The following ADARB2 variants were observed in gnomAD, a reference collection of about 807,000 sequenced individuals.
ADARB2 encodes the protein inactive double-stranded RNA-specific editase B2.
A neutral mutation model predicts 62.2 loss-of-function variants in ADARB2; 25 were observed. The ratio of observed to expected loss-of-function variants is 0.40; its 90% CI spans 0.29 to 0.56. The LOEUF is 0.56. Ranked by LOEUF, ADARB2 falls within the 20% of genes least tolerant of loss-of-function variation. The pLI, the probability that ADARB2 is intolerant of heterozygous loss-of-function variation, is 0.43. For synonymous variants in ADARB2, 572 were observed against 500.8 expected (o/e 1.14, Z -1.90); for missense variants, 1,071 against 1,077.4 (o/e 0.99, Z 0.08).
chr10:1,646,276 G>A (rs1262000374), intron 1 of ADARB2, among the ~76,000 whole-genome samples: 2 of 152,196 alleles, frequency 1.3e-5, no homozygotes, highest in Non-Finnish European at 1.5e-5. Context: ...TAGCCATGCT[G>A]GGCTTTGTCA....
At chr10:1,394,072 G>A (rs571371509) in intron 1 of ADARB2, among the ~76,000 whole-genome samples, 57 of 152,274 alleles carry the variant, frequency 3.7e-4, no homozygotes, top group Admixed American at 2.4e-3. Flanking sequence ...CCACTCACTC[G>A]TCCCAGGTTT....
At chr10:1,277,932 G>C (rs780645353) in intron 3 of ADARB2, among the ~76,000 whole-genome samples, 1 of 151,410 alleles carries the variant, frequency 6.6e-6, no homozygotes, top group Non-Finnish European at 1.5e-5. Context: ...CTTTCTTTCT[G>C]CTTCCTTCCT....
chr10:1,280,396 G>A (rs1418598468), intron 3 of ADARB2, among the ~76,000 whole-genome samples: 1 of 152,196 alleles, frequency 6.6e-6, no homozygotes, highest in Admixed American at 6.5e-5. Context: ...GCTTTATCTA[G>A]AAACATGTGG....
chr10:1,667,921 G>A lies in ADARB2; in HGVS notation c.100+69130C>T, dbSNP rs150370932. Among the ~76,000 whole-genome samples, 546 of 152,276 alleles carry A rather than the reference G, an allele frequency of 3.6e-3. 7 individuals are homozygous for A. The highest frequency in any genetic ancestry group is 0.012 in the African/African-American group (509 of 41,548). ...GAAACACAAGAAAATGGATCAGGTG[G>A]GGCATCACCTGTGAAGCCTTGTTGG... On this transcript the variant is annotated intron_variant, in intron 1 of 9. Coordinates refer to ENST00000381312, the MANE Select transcript of ADARB2 (RefSeq NM_018702.4).
At chr10:1,455,107 G>C (rs1831082051) in intron 1 of ADARB2, among the ~76,000 whole-genome samples, 1 of 152,134 alleles carries the variant, frequency 6.6e-6, no homozygotes, top group Non-Finnish European at 1.5e-5. Context: ...GATTTTCCCA[G>C]GTACAGTTTA....
At chr10:1,693,661 A>G (rs898506098) in intron 1 of ADARB2, among the ~76,000 whole-genome samples, 1 of 152,210 alleles carries the variant, frequency 6.6e-6, no homozygotes, top group Non-Finnish European at 1.5e-5. Context: ...GACTCTTCCA[A>G]CCATGGCTAC....
At chr10:1,665,813 C>T (rs1230424186) in intron 1 of ADARB2, among the ~76,000 whole-genome samples, 1 of 152,212 alleles carries the variant, frequency 6.6e-6, no homozygotes, top group Non-Finnish European at 1.5e-5. Flanking sequence ...AGGCCTCAGG[C>T]CAGTGGCATG....
chr10:1,199,210 A>ACCCCC (rs201988812), intron 8 of ADARB2, among the ~76,000 whole-genome samples: 2 of 134,732 alleles, frequency 1.5e-5, no homozygotes, highest in Admixed American at 7.2e-5. Context: ...TGATTCGGAA[A>ACCCCC]CCCACCCCCC....
chr10:1,369,232 A>T (rs1184573373), intron 2 of ADARB2, among the ~76,000 whole-genome samples: 1 of 152,172 alleles, frequency 6.6e-6, no homozygotes, highest in Admixed American at 6.5e-5. Flanking sequence ...GTATATAAAA[A>T]CCTAGAGATA....
intron 1 of ADARB2, among the ~76,000 whole-genome samples, chr10:1,610,432 A>G (rs574823372): frequency 1.1e-3 from 162 of 152,366 alleles, no homozygotes; most frequent in African/African-American, 3.7e-3. Context: ...AAAGACAGAA[A>G]AAGGGATAAT....
intron 1 of ADARB2, among the ~76,000 whole-genome samples, chr10:1,390,220 C>A (rs1377193703): frequency 6.6e-6 from 1 of 152,182 alleles, no homozygotes; most frequent in African/African-American, 2.4e-5. Flanking sequence ...AAGGAATATG[C>A]AGTGTGGTTC....
Position 1,222,471 on chromosome 10 carries a change from T to C in ADARB2, c.1514-5352A>G, listed in dbSNP as rs556634333. ...TTTGTTGCCATTGCTTTTGGTGTTTTAGACATGAAGTCCTTGCCCATGCCA... is the reference window on the plus strand; with the variant it reads ...TTTGTTGCCATTGCTTTTGGTGTTTCAGACATGAAGTCCTTGCCCATGCCA... On this transcript the variant is annotated intron_variant, in intron 6 of 9. Coordinates refer to ENST00000381312, the MANE Select transcript of ADARB2 (RefSeq NM_018702.4). Among the ~76,000 whole-genome samples, 108 of 150,946 alleles carry C rather than the reference T, an allele frequency of 7.2e-4. 1 individual carries two copies. Among genetic ancestry groups the C allele is most frequent in the Admixed American group, 2.4e-3 (36 of 15,264 alleles).
intron 1 of ADARB2, among the ~76,000 whole-genome samples, chr10:1,656,767 C>CT (rs1285664604): frequency 2.0e-5 from 3 of 151,992 alleles, no homozygotes; most frequent in East Asian, 1.9e-4. Context: ...GGTAATTAAT[C>CT]TTTTTTTAAT....
At chr10:1,393,558 T>C (rs2131867268) in intron 1 of ADARB2, among the ~76,000 whole-genome samples, 1 of 152,298 alleles carries the variant, frequency 6.6e-6, no homozygotes, top group East Asian at 1.9e-4. Context: ...CAGGTAGCTT[T>C]CCTCAAAGCC....
intron 3 of ADARB2, among the ~76,000 whole-genome samples, chr10:1,317,709 C>A (rs1255325955): frequency 2.0e-5 from 3 of 150,212 alleles, no homozygotes; most frequent in African/African-American, 7.4e-5. Context: ...GCCCCTGGGT[C>A]CCCCAAAAGC....
intron 4 of ADARB2, among the ~76,000 whole-genome samples, chr10:1,253,894 G>A (rs1441843162): frequency 6.6e-6 from 1 of 152,198 alleles, no homozygotes; most frequent in Non-Finnish European, 1.5e-5. Flanking sequence ...TTAGGATGCG[G>A]TGGGCTCTGT....
chr10:1,482,185 C>T (rs559053351), intron 1 of ADARB2, among the ~76,000 whole-genome samples: 42 of 152,294 alleles, frequency 2.8e-4, no homozygotes, highest in African/African-American at 6.7e-4. Flanking sequence ...AACAGTATGG[C>T]GGTTCCTTGG....
In ADARB2 at chr10:1,349,751, G is replaced by A. The variant is rs551361127; in HGVS notation, c.1077+13277C>T. Among the ~76,000 whole-genome samples, 34 of 152,256 alleles carry A rather than the reference G, an allele frequency of 2.2e-4. No individual in the cohort carries two copies. In the South Asian group the frequency reaches 4.8e-3, roughly 21 times the overall value. On this transcript the variant is annotated intron_variant, in intron 3 of 9. Coordinates refer to ENST00000381312, the MANE Select transcript of ADARB2 (RefSeq NM_018702.4). ...GACCCAAAACTCCGGCGCTGGTCAC[G>A]GACTTGGGAAGGCAGCCTTCCCTTG...
intron 1 of ADARB2, among the ~76,000 whole-genome samples, chr10:1,418,924 G>A (rs542232913): frequency 1.3e-5 from 2 of 152,188 alleles, no homozygotes; most frequent in South Asian, 2.1e-4. Flanking sequence ...TGTGTCCTGC[G>A]CCCCTTTGGT....
Sources: allele counts gnomAD v4.1 joint callset (sites outside exome capture counted in the v4.1 genomes callset), GRCh38; gene constraint gnomAD v4.1.1; transcripts MANE v1.5; gene names NCBI Gene and HGNC (gene_info 2026-07-23, HGNC 2026-07-21).